The following SKA3 variants were observed in gnomAD, a reference collection of about 807,000 sequenced individuals.
The protein encoded by SKA3 is spindle and kinetochore associated complex subunit 3, also known as spindle and kinetochore-associated protein 3.
In SKA3, 39 loss-of-function variants were observed where a neutral mutation model predicts 44.2. The observed-to-expected ratio is 0.88, with a 90% CI of 0.68 to 1.15. SKA3 has a LOEUF of 1.15. Ranked by LOEUF, SKA3 falls within the 50% of genes most tolerant of loss-of-function variation. The pLI is 0.00. For missense variants in SKA3, 511 were observed against 485.8 expected, an observed-to-expected ratio of 1.05 and a Z score of -0.49; for synonymous variants, 192 against 172.0, an observed-to-expected ratio of 1.12 and a Z score of -0.91.
chr13:21,174,304 G>C (rs1484885929), intron 1 of SKA3, among the ~76,000 whole-genome samples: 1 of 152,170 alleles, frequency 6.6e-6, no homozygotes, highest in African/African-American at 2.4e-5. Flanking sequence ...GTTTATTGCC[G>C]CACTATTCAC....
In SKA3 at chr13:21,168,267, C is replaced by G; in HGVS notation, c.464G>C (p.Ser155Thr). 6.2e-7 allele frequency: 1 copy of G among 1,614,186 alleles called. No individual in the cohort carries two copies. Among genetic ancestry groups the G allele is most frequent in the South Asian group, 1.1e-5 (1 of 91,084 alleles). Residue 155 changes from serine (S) to threonine (T), a missense_variant, in exon 4 of 9, where the codon AGT (serine) becomes ACT (threonine). Physicochemically the swap from Ser to Thr is moderately conservative, Grantham distance 58 (BLOSUM62 1). Coordinates refer to ENST00000314759, the MANE Select transcript of SKA3 (RefSeq NM_145061.6). Reference protein sequence around the residue: ...SSCISEKSPRSPQLSDFGLER... With the variant: ...SSCISEKSPRTPQLSDFGLER... ...AAGTCCAAAATCTGAAAGTTGTGGACTACGTGGAGACTTCTCAGAAATACA... is the reference window on the plus strand; with the variant it reads ...AAGTCCAAAATCTGAAAGTTGTGGAGTACGTGGAGACTTCTCAGAAATACA...
intron 3 of SKA3, among the ~76,000 whole-genome samples, chr13:21,169,910 T>C (rs1370484623): frequency 6.6e-6 from 1 of 152,210 alleles, no homozygotes; most frequent in Non-Finnish European, 1.5e-5. Context: ...AGTGTTGGGA[T>C]TACAGGCGTG....
intron 7 of SKA3, among the ~76,000 whole-genome samples, chr13:21,157,232 G>C (rs1272395335): frequency 2.0e-5 from 3 of 152,202 alleles, no homozygotes; most frequent in South Asian, 2.1e-4. Context: ...AAATACTAAA[G>C]AATCAGATAC....
intron 1 of SKA3, among the ~76,000 whole-genome samples, chr13:21,173,040 G>A (rs182695973): frequency 1.8e-4 from 27 of 152,262 alleles, no homozygotes; most frequent in Admixed American, 1.4e-3. Flanking sequence ...ATTGCCTAAC[G>A]TTGCTCAGAA....
intron 4 of SKA3, among the ~76,000 whole-genome samples, chr13:21,167,091 T>A (rs1870752544): frequency 6.6e-6 from 1 of 152,238 alleles, no homozygotes; most frequent in Non-Finnish European, 1.5e-5. Context: ...AATTCTTCAC[T>A]GAGCTTTAAA....
chr13:21,162,740 T>C (rs1870506989), intron 4 of SKA3, among the ~76,000 whole-genome samples: 1 of 152,116 alleles, frequency 6.6e-6, no homozygotes, highest in Admixed American at 6.6e-5. Context: ...CAAAAGAATA[T>C]ATATGTTGTA....
In SKA3 at chr13:21,172,385, C is replaced by T. The variant is rs1388931822; in HGVS notation, c.285G>A (p.Glu95=). ...KNSMDIMKIR[E]YFQKYGYSPR... is the part of the protein sequence containing the mutation. ...GACTATATCCATACTTCTGGAAATA[C>T]TCTCTTATTTTCATAATATCCATTG... Residue 95 remains glutamate, a synonymous_variant, in exon 3 of 9, where the codon GAG becomes GAA. Coordinates refer to ENST00000314759, the MANE Select transcript of SKA3 (RefSeq NM_145061.6). 1 of 1,583,380 alleles carries T rather than the reference C, an allele frequency of 6.3e-7. No individual in the cohort carries two copies. The highest frequency in any genetic ancestry group is 8.6e-7 in the Non-Finnish European group (1 of 1,169,258).
intron 7 of SKA3, 37 bp from the exon 8 acceptor site, chr13:21,155,848 A>T (rs763986367): frequency 3.4e-6 from 4 of 1,161,234 alleles, no homozygotes; most frequent in Non-Finnish European, 5.1e-6. Context: ...TTATCGAGCC[A>T]TATGAATAAT....
rs1869949112 is a variant in SKA3 at position 21,153,994 on chromosome 13, A to T, written c.*1156T>A. 1.3e-5 allele frequency: 2 copies of T among 152,252 alleles called. No individual in the cohort carries two copies. The highest frequency in any genetic ancestry group is 4.1e-4 in the South Asian group (2 of 4,836). 9.4% of individuals were successfully genotyped at this position (152,252 alleles called of 1,614,324 possible). On this transcript the variant is annotated 3_prime_UTR_variant, in exon 9 of 9. Transcript: ENST00000314759. Reference sequence around the variant, plus strand: ...AACTCCTAGAACAAGGACAAACTCAAGTTTTGTTTTGGTGACAGTTTTCTG... The same window carrying T: ...AACTCCTAGAACAAGGACAAACTCATGTTTTGTTTTGGTGACAGTTTTCTG...
At chr13:21,165,137 T>C (rs560119319) in intron 4 of SKA3, among the ~76,000 whole-genome samples, 3 of 152,204 alleles carry the variant, frequency 2.0e-5, no homozygotes, top group African/African-American at 7.2e-5. Flanking sequence ...GTTAACTAAT[T>C]GTTCCAGTAT....
At chr13:21,155,181 T>G in intron 8 of SKA3, 31 bp from the exon 9 acceptor site, 3 of 1,586,186 alleles carry the variant, frequency 1.9e-6, no homozygotes, top group Non-Finnish European at 1.7e-6. Flanking sequence ...AAATATCAAT[T>G]TAATAAAATT....
chr13:21,168,099 T>C lies in SKA3; in HGVS notation c.632A>G (p.Asp211Gly), dbSNP rs1315358984. The change falls in exon 4 of 9, where the codon GAT (aspartate) becomes GGT (glycine). Residue 211 changes from aspartate to glycine, a missense_variant. By Grantham distance (94) the Asp-to-Gly change is moderately conservative. Coordinates refer to ENST00000314759, the MANE Select transcript of SKA3 (RefSeq NM_145061.6). Reference sequence around the variant, plus strand: ...TTTAGGAGTTACACACTCAAAATCATCCATTTTTAGTGCACATTTTGGAGT... The same window carrying C: ...TTTAGGAGTTACACACTCAAAATCACCCATTTTTAGTGCACATTTTGGAGT... Reference protein sequence around the residue: ...LKTPKCALKMDDFECVTPKLE... With the variant: ...LKTPKCALKMGDFECVTPKLE... 8 of 1,614,170 alleles carry C rather than the reference T, an allele frequency of 5.0e-6. No homozygotes were observed. In the East Asian group the frequency reaches 1.1e-4, roughly 22 times the overall value.
chr13:21,173,451 T>C (rs112009952), intron 1 of SKA3, among the ~76,000 whole-genome samples: 2,172 of 152,300 alleles, frequency 0.014, 53 homozygotes, highest in African/African-American at 0.049. Flanking sequence ...AGATGGGGGT[T>C]TCACCATGTT....
chr13:21,168,401 TAGGAGGAAAAATCA>T lies in SKA3; in HGVS notation c.332-16_332-3del, dbSNP rs759346340. 3 of 1,571,696 alleles carry T rather than the reference TAGGAGGAAAAATCA, an allele frequency of 1.9e-6. No homozygotes were observed. The highest frequency in any genetic ancestry group is 2.0e-5 in the Admixed American group (1 of 50,456). On this transcript the variant is annotated splice_region_variant and splice_polypyrimidine_tract_variant and intron_variant, in intron 3 of 8. Transcript: ENST00000314759. ...AGTTAATGGCTTCTTGCTCGTGTAC[TAGGAGGAAAAATCA>T]GAATATTCTGGTCAAACTCAAAATG...
chr13:21,156,656 T>C (rs1416630434), intron 7 of SKA3, among the ~76,000 whole-genome samples: 4 of 152,236 alleles, frequency 2.6e-5, no homozygotes, highest in Non-Finnish European at 4.4e-5. Flanking sequence ...AAGTACTTTA[T>C]TGATATCCTA....
intron 1 of SKA3, among the ~76,000 whole-genome samples, chr13:21,173,360 G>A (rs897144990): frequency 2.0e-5 from 3 of 152,138 alleles, no homozygotes; most frequent in Non-Finnish European, 4.4e-5. Context: ...GGATTCAAGC[G>A]ATTCTCCTGT....
At chr13:21,169,277 C>G (rs943450382) in intron 3 of SKA3, among the ~76,000 whole-genome samples, 10 of 151,998 alleles carry the variant, frequency 6.6e-5, no homozygotes, top group African/African-American at 2.4e-4. Flanking sequence ...CACTTTGTCC[C>G]CCAGGCTGGA....
At position 21,176,507 on chromosome 13, in the gene SKA3, G is replaced by A; in HGVS notation, c.-30C>T. ...AGCACAGCGGGGAAGGACTCCAGGC[G>A]TACGCAGACCCCACCGCTCAGCTCA... On this transcript the variant is annotated 5_prime_UTR_variant, in exon 1 of 9. In the 5' UTR this introduces an upstream ATG that the reference lacks. Coordinates refer to ENST00000314759, the MANE Select transcript of SKA3 (RefSeq NM_145061.6). The A allele has an allele frequency of 6.9e-7, 1 of 1,451,222 alleles. No individual in the cohort carries two copies. The highest frequency in any genetic ancestry group is 9.2e-7 in the Non-Finnish European group (1 of 1,088,216). The allele number at this position is 1,451,222 out of a possible 1,614,324, so 89.9% of individuals were successfully genotyped here.
Position 21,176,364 on chromosome 13 carries a change from G to C in SKA3, c.103+11C>G. ...CCCACGCACCGTGCCCTGGCCGCCC[G>C]CCTCACGCACCGCTTTCCTCTCCGT... On this transcript the variant is annotated intron_variant, in intron 1 of 8. Transcript: ENST00000314759. 1 of 1,184,594 alleles carries C rather than the reference G, an allele frequency of 8.4e-7. No homozygotes were observed. The highest frequency in any genetic ancestry group is 1.1e-6 in the Non-Finnish European group (1 of 897,222). 73.4% of individuals were successfully genotyped at this position (1,184,594 alleles called of 1,614,324 possible).
Sources: allele counts gnomAD v4.1 joint callset (sites outside exome capture counted in the v4.1 genomes callset), GRCh38; gene constraint gnomAD v4.1.1; transcripts MANE v1.5; gene names NCBI Gene and HGNC (gene_info 2026-07-23, HGNC 2026-07-21).